Variants in LGR4 observed in about 807,000 individuals in gnomAD.
The protein encoded by LGR4 is leucine-rich repeat-containing G protein-coupled receptor 4.
A neutral mutation model predicts 84.8 loss-of-function variants in LGR4; 44 were observed. The ratio of observed to expected loss-of-function variants is 0.52; its 90% CI spans 0.41 to 0.67. The LOEUF is 0.67. Ranked by LOEUF, LGR4 falls within the 30% of genes least tolerant of loss-of-function variation. The probability of loss-of-function intolerance (pLI) is 0.00; values close to 1 mark genes in which losing one functional copy is unlikely to be tolerated. For missense variants in LGR4, 1,032 were observed against 1,131.4 expected, an observed-to-expected ratio of 0.91 and a Z score of 1.26; for synonymous variants, 429 against 434.3, an observed-to-expected ratio of 0.99 and a Z score of 0.15.
chr11:27,394,883 G>A (rs950922199), intron 2 of LGR4, among the ~76,000 whole-genome samples: 1 of 151,954 alleles, frequency 6.6e-6, no homozygotes, highest in Non-Finnish European at 1.5e-5. Flanking sequence ...AGAACAGGAT[G>A]TGCATCTCAA....
intron 1 of LGR4, among the ~76,000 whole-genome samples, chr11:27,459,916 C>A (rs566952615): frequency 6.6e-6 from 1 of 152,094 alleles, no homozygotes; most frequent in Admixed American, 6.5e-5. Flanking sequence ...CATAGTGAAA[C>A]CCCATCTCTA....
intron 1 of LGR4, among the ~76,000 whole-genome samples, chr11:27,414,713 T>C (rs1863778808): frequency 6.6e-6 from 1 of 152,046 alleles, no homozygotes; most frequent in Admixed American, 6.6e-5. Flanking sequence ...TTGTTTTTCA[T>C]AAACACTCTA....
intron 1 of LGR4, among the ~76,000 whole-genome samples, chr11:27,467,380 A>T (rs990075449): frequency 5.9e-5 from 9 of 152,172 alleles, no homozygotes; most frequent in Non-Finnish European, 1.2e-4. Flanking sequence ...AGCCTGGCCA[A>T]GATGGTAAAA....
chr11:27,440,439 T>A (rs1864286559), intron 1 of LGR4, among the ~76,000 whole-genome samples: 1 of 152,212 alleles, frequency 6.6e-6, no homozygotes, highest in Non-Finnish European at 1.5e-5. Flanking sequence ...TCTTTCTATT[T>A]TTGAGATCTC....
chr11:27,450,526 C>G (rs1183269326), intron 1 of LGR4, among the ~76,000 whole-genome samples: 3 of 152,092 alleles, frequency 2.0e-5, no homozygotes, highest in Admixed American at 6.5e-5. Context: ...CGGTGGCTCA[C>G]GTCTGTAATC....
At chr11:27,455,947 A>G (rs1254493389) in intron 1 of LGR4, among the ~76,000 whole-genome samples, 3 of 152,220 alleles carry the variant, frequency 2.0e-5, no homozygotes, top group Admixed American at 2.0e-4. Flanking sequence ...AACACGTGTT[A>G]CGCACTTCAT....
intron 4 of LGR4, among the ~76,000 whole-genome samples, chr11:27,387,307 A>G (rs141596614): frequency 1.3e-4 from 20 of 152,256 alleles, no homozygotes; most frequent in Non-Finnish European, 1.8e-4. Flanking sequence ...AACACAATAA[A>G]CACGTTACAA....
intron 1 of LGR4, among the ~76,000 whole-genome samples, chr11:27,438,344 C>G (rs909130401): frequency 2.6e-5 from 4 of 152,166 alleles, no homozygotes; most frequent in East Asian, 1.9e-4. Context: ...TAGTTCTCAA[C>G]CAGGGGTGAT....
intron 2 of LGR4, among the ~76,000 whole-genome samples, chr11:27,409,892 T>C (rs1324756676): frequency 6.6e-6 from 1 of 152,268 alleles, no homozygotes; most frequent in Non-Finnish European, 1.5e-5. Flanking sequence ...TACACTGTTT[T>C]AGGCCTTTCC....
intron 2 of LGR4, among the ~76,000 whole-genome samples, chr11:27,412,310 A>G (rs546507435): frequency 2.6e-5 from 4 of 152,236 alleles, no homozygotes; most frequent in African/African-American, 9.6e-5. Context: ...CCTTCACCCC[A>G]TTTCCAAAGG....
At chr11:27,452,328 G>A (rs997809152) in intron 1 of LGR4, among the ~76,000 whole-genome samples, 10 of 152,086 alleles carry the variant, frequency 6.6e-5, no homozygotes, top group African/African-American at 2.4e-4. Flanking sequence ...CCTTCACCCA[G>A]CTTTTCCCAA....
intron 1 of LGR4, among the ~76,000 whole-genome samples, chr11:27,470,810 A>G (rs1011977559): frequency 2.0e-5 from 3 of 152,088 alleles, no homozygotes; most frequent in Non-Finnish European, 2.9e-5. Context: ...AGAATGAAAC[A>G]GGTTCCAAGA....
chr11:27,418,302 G>T (rs1357123791), intron 1 of LGR4, among the ~76,000 whole-genome samples: 1 of 152,166 alleles, frequency 6.6e-6, no homozygotes, highest in East Asian at 1.9e-4. Flanking sequence ...TTATACGGCC[G>T]CAGAAATGCG....
intron 1 of LGR4, among the ~76,000 whole-genome samples, chr11:27,455,727 C>T (rs11030013): frequency 0.022 from 3,406 of 152,242 alleles, 66 homozygotes; most frequent in Non-Finnish European, 0.034. Context: ...AATGGATGAA[C>T]GCCTACATTT....
intron 1 of LGR4, among the ~76,000 whole-genome samples, chr11:27,449,800 T>A (rs1488383188): frequency 2.0e-5 from 3 of 152,132 alleles, no homozygotes; most frequent in Non-Finnish European, 4.4e-5. Flanking sequence ...TTAAAAACAC[T>A]CCAGAAAATA....
chr11:27,438,496 T>C (rs1864249021), intron 1 of LGR4, among the ~76,000 whole-genome samples: 1 of 152,136 alleles, frequency 6.6e-6, no homozygotes, highest in African/African-American at 2.4e-5. Flanking sequence ...AGACAGACCC[T>C]ATGATGGTTA....
intron 1 of LGR4, among the ~76,000 whole-genome samples, chr11:27,429,813 AAG>A (rs1864085716): frequency 1.3e-5 from 2 of 152,196 alleles, no homozygotes; most frequent in African/African-American, 2.4e-5. Flanking sequence ...ACAAGGTTTG[AAG>A]AGGATGTGTG....
At chr11:27,440,152 C>T (rs938846091) in intron 1 of LGR4, among the ~76,000 whole-genome samples, 1 of 152,050 alleles carries the variant, frequency 6.6e-6, no homozygotes, top group Non-Finnish European at 1.5e-5. Context: ...GTGATCTGCC[C>T]GCCTCGGCCT....
rs1565077421 is a variant in LGR4, at chr11:27,393,938, T to TGGG, written c.258-1421_258-1420insCCC. On this transcript the variant is annotated intron_variant, in intron 2 of 17. Transcript: ENST00000379214. ...AACACAGAGGCGATTGCACTGAAGA[T>TGGG]TGGGGGGGGGGGGGGGCGCGGGAAG... 7.0e-4 allele frequency among the ~76,000 whole-genome samples: 3 copies of TGGG among 4,298 alleles called. No homozygotes were observed. In the Non-Finnish European group the frequency reaches 7.9e-3, roughly 11 times the overall value. 2.8% of individuals were successfully genotyped at this position (4,298 alleles called of 152,430 possible).
Sources: allele counts gnomAD v4.1 joint callset (sites outside exome capture counted in the v4.1 genomes callset), GRCh38; gene constraint gnomAD v4.1.1; transcripts MANE v1.5; gene names NCBI Gene and HGNC (gene_info 2026-07-23, HGNC 2026-07-21).